The following CRB1 variants were observed in gnomAD, a reference collection of about 807,000 sequenced individuals.
CRB1 encodes crumbs cell polarity complex component 1.
A neutral mutation model predicts 120.0 loss-of-function variants in CRB1; 83 were observed. The ratio of observed to expected loss-of-function variants is 0.69; its 90% confidence interval spans 0.58 to 0.83. The LOEUF is 0.83. CRB1 is among the 40% of genes least tolerant of loss of function. The pLI is 0.00. For missense variants in CRB1, 1,699 were observed against 1,687.6 expected (o/e 1.01, Z -0.12); for synonymous variants, 625 against 612.5 (o/e 1.02, Z -0.30).
chr1:197,305,916 A>C (rs1408377840), intron 1 of CRB1, among the ~76,000 whole-genome samples: 5 of 147,608 alleles, frequency 3.4e-5, no homozygotes, highest in Admixed American at 6.9e-5. Flanking sequence ...AAAAAAAAAA[A>C]CAAAAAGCAA....
intron 5 of CRB1, among the ~76,000 whole-genome samples, chr1:197,388,004 A>G (rs76151181): frequency 4.5e-4 from 68 of 150,744 alleles, no homozygotes; most frequent in Admixed American, 1.7e-3. Context: ...CTCTCTCTAT[A>G]TATATATATA....
At chr1:197,285,667 A>G (rs1655785128) in intron 1 of CRB1, among the ~76,000 whole-genome samples, 1 of 151,858 alleles carries the variant, frequency 6.6e-6, no homozygotes, top group Non-Finnish European at 1.5e-5. Flanking sequence ...CAGACGTTTG[A>G]TGTGGTGACT....
chr1:197,308,229 A>C (rs1657287997), intron 1 of CRB1, among the ~76,000 whole-genome samples: 1 of 152,192 alleles, frequency 6.6e-6, no homozygotes, highest in East Asian at 1.9e-4. Flanking sequence ...TAGGAGCTAA[A>C]CGTTAAGCAC....
chr1:197,454,795 C>T (rs138481925), intron 11 of CRB1, among the ~76,000 whole-genome samples: 8 of 152,226 alleles, frequency 5.3e-5, no homozygotes, highest in South Asian at 4.1e-4. Flanking sequence ...ACTGGACTTA[C>T]GGAAACCGGT....
chr1:197,461,853 C>A (rs1421316537), intron 11 of CRB1, among the ~76,000 whole-genome samples: 1 of 152,068 alleles, frequency 6.6e-6, no homozygotes, highest in African/African-American at 2.4e-5. Context: ...TCTAATTTGT[C>A]AGCTCAGTTC....
the CRB1 span, among the ~76,000 whole-genome samples, chr1:197,210,087 C>T: frequency 6.6e-6 from 1 of 152,224 alleles, no homozygotes; most frequent in Non-Finnish European, 1.5e-5. Context: ...CAAGTTAGTC[C>T]TGCCCCCTAT....
chr1:197,201,704 T>G, the CRB1 span, among the ~76,000 whole-genome samples: 3 of 152,190 alleles, frequency 2.0e-5, no homozygotes, highest in African/African-American at 7.2e-5. Context: ...GTGTATTTAA[T>G]AGTTTGTAAT....
At chr1:197,411,113 T>C (rs916461575) in intron 5 of CRB1, among the ~76,000 whole-genome samples, 4 of 152,222 alleles carry the variant, frequency 2.6e-5, no homozygotes, top group Non-Finnish European at 4.4e-5. Context: ...TCTCCAATAA[T>C]TTCTCTAATG....
chr1:197,318,254 T>A (rs1204835816), intron 1 of CRB1, among the ~76,000 whole-genome samples: 3 of 152,042 alleles, frequency 2.0e-5, no homozygotes, highest in African/African-American at 4.8e-5. Context: ...ATGTTCAACA[T>A]CAGAAATCAT....
At chr1:197,292,611 A>G (rs1368172214) in intron 1 of CRB1, among the ~76,000 whole-genome samples, 2 of 152,142 alleles carry the variant, frequency 1.3e-5, no homozygotes, top group Non-Finnish European at 2.9e-5. Flanking sequence ...AACAAAAAAA[A>G]GAGAATTTTA....
intron 5 of CRB1, among the ~76,000 whole-genome samples, chr1:197,410,115 A>T (rs1173081405): frequency 6.6e-6 from 1 of 151,960 alleles, no homozygotes; most frequent in East Asian, 1.9e-4. Context: ...ACTCACATTC[A>T]TTTTCTAGTT....
chr1:197,385,799 A>T (rs918832977), intron 5 of CRB1, among the ~76,000 whole-genome samples: 4 of 152,076 alleles, frequency 2.6e-5, no homozygotes, highest in Non-Finnish European at 4.4e-5. Context: ...ATGAAAATAC[A>T]TAGTTAACAT....
chr1:197,456,425 T>C (rs1666288045), intron 11 of CRB1, among the ~76,000 whole-genome samples: 1 of 152,148 alleles, frequency 6.6e-6, no homozygotes, highest in Admixed American at 6.6e-5. Context: ...TTATTCATCC[T>C]GCCCCATAGT....
At chr1:197,429,085 T>C (rs1664742877) in intron 7 of CRB1, 6 of 1,507,310 alleles carry the variant, frequency 4.0e-6, no homozygotes, top group African/African-American at 1.4e-5. Context: ...AAACACCTTC[T>C]TTTTATCATC....
At chr1:197,397,968 G>A (rs1027668646) in intron 5 of CRB1, among the ~76,000 whole-genome samples, 1 of 152,104 alleles carries the variant, frequency 6.6e-6, no homozygotes, top group African/African-American at 2.4e-5. Context: ...CTTTAAAAAA[G>A]TGGAAGTGAC....
At chr1:197,410,376 AC>A (rs367738301) in intron 5 of CRB1, among the ~76,000 whole-genome samples, 16 of 152,348 alleles carry the variant, frequency 1.1e-4, no homozygotes, top group African/African-American at 3.8e-4. Context: ...AGTTGAGGTC[AC>A]GTACAGGGAC....
intron 5 of CRB1, among the ~76,000 whole-genome samples, chr1:197,361,733 C>T (rs931056949): frequency 6.6e-6 from 1 of 151,534 alleles, no homozygotes; most frequent in Admixed American, 6.6e-5. Flanking sequence ...TTTATGTCCA[C>T]CTTTTTACAG....
At chr1:197,452,316 A>G (rs1015552591) in intron 11 of CRB1, among the ~76,000 whole-genome samples, 1 of 152,218 alleles carries the variant, frequency 6.6e-6, no homozygotes, top group African/African-American at 2.4e-5. Context: ...TTTTAAAGCT[A>G]CAAATTTATA....
the CRB1 span, among the ~76,000 whole-genome samples, chr1:197,250,517 TTTACA>T: frequency 1.0e-3 from 153 of 152,116 alleles, no homozygotes; most frequent in African/African-American, 3.1e-3. Flanking sequence ...CTTTCTGAGA[TTTACA>T]TTACATTACA....
Sources: allele counts gnomAD v4.1 joint callset (sites outside exome capture counted in the v4.1 genomes callset), GRCh38; gene constraint gnomAD v4.1.1; transcripts MANE v1.5; gene names NCBI Gene and HGNC (gene_info 2026-07-23, HGNC 2026-07-21).